Variants in SORCS1 observed in about 807,000 individuals in gnomAD.
SORCS1 encodes sortilin related VPS10 domain containing receptor 1.
In SORCS1, 60 loss-of-function variants were observed where a neutral mutation model predicts 146.1. The observed-to-expected ratio is 0.41, with a 90% CI of 0.33 to 0.51. SORCS1 has a LOEUF of 0.51. Ranked by LOEUF, SORCS1 falls within the 20% of genes least tolerant of loss-of-function variation. The pLI, the probability that SORCS1 is intolerant of heterozygous loss-of-function variation, is 0.21. For synonymous variants in SORCS1, 637 were observed against 584.0 expected (o/e 1.09, Z -1.31); for missense variants, 1,352 against 1,487.6 (o/e 0.91, Z 1.50).
intron 1 of SORCS1, among the ~76,000 whole-genome samples, chr10:107,069,902 T>C (rs1458754952): frequency 6.6e-6 from 1 of 152,192 alleles, no homozygotes; most frequent in African/African-American, 2.4e-5. Flanking sequence ...CAAAGATTTG[T>C]GTGACCACCA....
chr10:106,639,846 C>T (rs895278233), intron 18 of SORCS1, among the ~76,000 whole-genome samples: 3 of 151,928 alleles, frequency 2.0e-5, no homozygotes, highest in Admixed American at 6.6e-5. Context: ...GGTGAAACTC[C>T]GTCTCTACTA....
At chr10:106,993,530 T>A (rs768707673) in intron 1 of SORCS1, among the ~76,000 whole-genome samples, 2 of 152,172 alleles carry the variant, frequency 1.3e-5, no homozygotes, top group African/African-American at 4.8e-5. Flanking sequence ...CAGAAGAGTA[T>A]GCAGGAATTT....
At chr10:106,754,513 C>T (rs1858491029) in intron 5 of SORCS1, among the ~76,000 whole-genome samples, 1 of 152,172 alleles carries the variant, frequency 6.6e-6, no homozygotes, top group Non-Finnish European at 1.5e-5. Context: ...GATCAATAAA[C>T]TATTTCACAT....
chr10:107,124,251 T>A (rs565811774), intron 1 of SORCS1, among the ~76,000 whole-genome samples: 16 of 152,244 alleles, frequency 1.1e-4, no homozygotes, highest in African/African-American at 3.4e-4. Context: ...TAGGAAGAGA[T>A]ATGTGTTCAG....
In SORCS1 at chr10:106,952,729, A is replaced by T. The variant is rs373615129; in HGVS notation, c.626+3784T>A. Reference sequence around the variant, plus strand: ...GGTGGCTCATGCTTGTAATCCTGAGAGTTTGGGAGGCTGAGGTGGGAGGGT... The same window carrying T: ...GGTGGCTCATGCTTGTAATCCTGAGTGTTTGGGAGGCTGAGGTGGGAGGGT... On this transcript the variant is annotated intron_variant, in intron 2 of 25. Transcript: ENST00000263054. Among the ~76,000 whole-genome samples, 218 of 151,464 alleles carry T rather than the reference A, an allele frequency of 1.4e-3. 1 individual carries two copies. Among genetic ancestry groups the T allele is most frequent in the African/African-American group, 4.7e-3 (196 of 41,302 alleles).
chr10:106,905,312 C>G (rs964219749), intron 2 of SORCS1, among the ~76,000 whole-genome samples: 2 of 152,002 alleles, frequency 1.3e-5, no homozygotes, highest in Non-Finnish European at 2.9e-5. Flanking sequence ...GATAAATGCA[C>G]AATCTTTAAA....
chr10:106,620,277 T>G, intron 20 of SORCS1, 151 bp downstream of exon 20: 703 of 850,164 alleles, frequency 8.3e-4, no homozygotes, highest in Non-Finnish European at 1.1e-3. Context: ...AACATAATGA[T>G]GAGATACTTG....
chr10:106,885,493 G>T (rs915702472), intron 2 of SORCS1, among the ~76,000 whole-genome samples: 1 of 152,176 alleles, frequency 6.6e-6, no homozygotes, highest in African/African-American at 2.4e-5. Context: ...GCAAAGGAAA[G>T]AGATTTGGCA....
chr10:106,726,387 A>C (rs1856190995), intron 6 of SORCS1, among the ~76,000 whole-genome samples: 2 of 147,844 alleles, frequency 1.4e-5, no homozygotes, highest in African/African-American at 5.0e-5. Flanking sequence ...AAAAAAAAAA[A>C]AGTAAAATAA....
At chr10:107,090,953 C>T (rs934537564) in intron 1 of SORCS1, among the ~76,000 whole-genome samples, 1 of 151,894 alleles carries the variant, frequency 6.6e-6, no homozygotes, top group African/African-American at 2.4e-5. Flanking sequence ...CGTACACACA[C>T]AATTGGTGAG....
chr10:106,577,410 G>A lies in SORCS1; in HGVS notation c.*10C>T. 6.2e-7 allele frequency: 1 copy of A among 1,613,850 alleles called. No individual in the cohort carries two copies. The highest frequency in any genetic ancestry group is 8.5e-7 in the Non-Finnish European group (1 of 1,179,820). On this transcript the variant is annotated 3_prime_UTR_variant, in exon 26 of 26. Coordinates refer to ENST00000263054, the MANE Select transcript of SORCS1 (RefSeq NM_052918.5). ...ATCAGCAGGTCGCCTGTAGCCTTTGGGGGTTTTCCTTAAATTGCATACTGT... is the reference window on the plus strand; with the variant it reads ...ATCAGCAGGTCGCCTGTAGCCTTTGAGGGTTTTCCTTAAATTGCATACTGT...
intron 3 of SORCS1, among the ~76,000 whole-genome samples, chr10:106,814,191 T>C (rs1947619976): frequency 6.6e-6 from 1 of 152,250 alleles, no homozygotes; most frequent in Admixed American, 6.5e-5. Flanking sequence ...TCAAGGCTGT[T>C]ATCCAGAAAT....
At chr10:107,131,007 T>G (rs757661069) in intron 1 of SORCS1, among the ~76,000 whole-genome samples, 1 of 152,176 alleles carries the variant, frequency 6.6e-6, no homozygotes, top group African/African-American at 2.4e-5. Context: ...ACAATTAAAT[T>G]TGCCTATTCT....
chr10:106,677,466 G>T, intron 12 of SORCS1, 62 bp from the exon 13 acceptor site: 5 of 1,438,818 alleles, frequency 3.5e-6, no homozygotes, highest in Admixed American at 1.7e-5. Flanking sequence ...AGGCTTCAGA[G>T]AATCAGTCTT....
At chr10:106,820,184 C>T (rs1947943458) in intron 3 of SORCS1, among the ~76,000 whole-genome samples, 1 of 152,136 alleles carries the variant, frequency 6.6e-6, no homozygotes. Flanking sequence ...ATCAAGGCAA[C>T]ACTTAGTATT....
intron 2 of SORCS1, among the ~76,000 whole-genome samples, chr10:106,956,187 T>C (rs1410473714): frequency 6.6e-6 from 1 of 151,774 alleles, no homozygotes; most frequent in Non-Finnish European, 1.5e-5. Context: ...CTAGAGGCTG[T>C]GCTGATTCTT....
intron 1 of SORCS1, 144 bp downstream of exon 1, chr10:107,163,825 C>A (rs12768989): frequency 1.1e-6 from 1 of 912,152 alleles, no homozygotes; most frequent in Non-Finnish European, 1.6e-6. Flanking sequence ...GATGTTAACT[C>A]TTGGGGGAAG....
intron 2 of SORCS1, among the ~76,000 whole-genome samples, chr10:106,934,109 A>C (rs1953563096): frequency 6.6e-6 from 1 of 151,634 alleles, no homozygotes; most frequent in African/African-American, 2.4e-5. Context: ...ACAAAAAAAA[A>C]AAAAAAAAAG....
chr10:106,578,568 T>TAAA (rs11463392), intron 25 of SORCS1: 89 of 647,654 alleles, frequency 1.4e-4, no homozygotes, highest in East Asian at 2.8e-4. Context: ...CCAATAGATG[T>TAAA]AAAAAAAAAA....
Sources: allele counts gnomAD v4.1 joint callset (sites outside exome capture counted in the v4.1 genomes callset), GRCh38; gene constraint gnomAD v4.1.1; transcripts MANE v1.5; gene names NCBI Gene and HGNC (gene_info 2026-07-23, HGNC 2026-07-21).